The following NTNG2 variants were observed in gnomAD, a reference collection of about 807,000 sequenced individuals.
NTNG2 encodes netrin G2.
In NTNG2, 15 loss-of-function variants were observed where a neutral mutation model predicts 47.6. That is an observed-to-expected ratio of 0.32 (90% confidence interval 0.21 to 0.49). The LOEUF is 0.49. NTNG2 is among the 20% of genes least tolerant of loss of function. The pLI is 0.99. For missense variants in NTNG2, 578 were observed against 764.6 expected (o/e 0.76, Z 2.88); for synonymous variants, 307 against 324.6 (o/e 0.95, Z 0.58).
At chr9:132,209,493 CAG>C (rs936331316) in intron 3 of NTNG2, among the ~76,000 whole-genome samples, 8 of 152,154 alleles carry the variant, frequency 5.3e-5, no homozygotes, top group South Asian at 2.1e-4. Flanking sequence ...AGATCAGAGA[CAG>C]GGGGAATCTG....
Position 132,166,954 on chromosome 9 carries a change from C to G in NTNG2, c.123C>G (p.Pro41=). The G allele has an allele frequency of 6.2e-7, 1 of 1,614,264 alleles. No homozygotes were observed. Among genetic ancestry groups the G allele is most frequent in the Non-Finnish European group, 8.5e-7 (1 of 1,180,044 alleles). ...CCTGGGAGTTCTACGCCTGCCAGCCCAAGGTGATGCGCCTGAAGGACTACG... is the reference window on the plus strand; with the variant it reads ...CCTGGGAGTTCTACGCCTGCCAGCCGAAGGTGATGCGCCTGAAGGACTACG... ...GPTWEFYACQ[P]KVMRLKDYVK... is the part of the protein sequence containing the mutation. The change falls in exon 2 of 8, where the codon CCC becomes CCG. Residue 41 remains proline (P), a synonymous_variant. Transcript: ENST00000393229.
intron 7 of NTNG2, 30 bp downstream of exon 7, chr9:132,241,074 G>T: frequency 1.3e-6 from 2 of 1,567,554 alleles, no homozygotes; most frequent in East Asian, 2.3e-5. Flanking sequence ...CGTGGGCGGG[G>T]CCTGCGGAAA....
intron 2 of NTNG2, among the ~76,000 whole-genome samples, chr9:132,171,085 G>C (rs892248658): frequency 2.0e-5 from 3 of 152,212 alleles, no homozygotes; most frequent in East Asian, 1.9e-4. Flanking sequence ...TCCCAGATGC[G>C]GGCCTTGCTT....
chr9:132,190,483 C>T (rs2130647235), intron 2 of NTNG2, among the ~76,000 whole-genome samples: 1 of 152,244 alleles, frequency 6.6e-6, no homozygotes, highest in South Asian at 2.1e-4. Context: ...GTTGTCTGTT[C>T]TTCTTCCTGA....
At chr9:132,241,161 C>T in intron 7 of NTNG2, 117 bp downstream of exon 7, 3 of 808,806 alleles carry the variant, frequency 3.7e-6, no homozygotes, top group Non-Finnish European at 4.6e-6. Context: ...CCTAGCAAGA[C>T]GGGGCAGGGC....
chr9:132,221,663 C>T lies in NTNG2; in HGVS notation c.858-5186C>T, dbSNP rs1840360076. ...CATCTTCTCCTGTTCCCGAGGAAGA[C>T]AGGACTGATAGGAGGGGCTGGCCAG... is the stretch of plus-strand genomic sequence containing the variant. On this transcript the variant is annotated intron_variant, in intron 3 of 7. Transcript: ENST00000393229. The surrounding 1 kb of genome is among the most constrained non-coding windows in gnomAD (Gnocchi z 4.2). Among the ~76,000 whole-genome samples the T allele has an allele frequency of 6.6e-6, 1 of 152,128 alleles. No homozygotes were observed. The highest frequency in any genetic ancestry group is 2.4e-5 in the African/African-American group (1 of 41,428).
At chr9:132,192,464 G>A (rs981229479) in intron 2 of NTNG2, among the ~76,000 whole-genome samples, 7 of 152,274 alleles carry the variant, frequency 4.6e-5, no homozygotes, top group South Asian at 2.1e-4. Context: ...GGTGGCGCAC[G>A]CCTGTAGTCC....
chr9:132,207,065 C>G (rs912623273), intron 3 of NTNG2, among the ~76,000 whole-genome samples: 11 of 152,286 alleles, frequency 7.2e-5, no homozygotes, highest in Non-Finnish European at 1.5e-4. Context: ...GGGAGAGAGT[C>G]ACGCACAGCA....
intron 4 of NTNG2, 123 bp downstream of exon 4, chr9:132,227,144 T>C: frequency 9.2e-7 from 1 of 1,091,020 alleles, no homozygotes; most frequent in Middle Eastern, 2.3e-4. Context: ...CGTGTGCACA[T>C]GCATGCAAAC....
At chr9:132,217,654 T>C (rs75484669) in intron 3 of NTNG2, among the ~76,000 whole-genome samples, 1,854 of 152,308 alleles carry the variant, frequency 0.012, 30 homozygotes, top group African/African-American at 0.042. Flanking sequence ...AAAACTGGCA[T>C]GTCCTAGGCA....
chr9:132,203,758 G>T (rs1332891766), intron 3 of NTNG2, among the ~76,000 whole-genome samples: 2 of 152,194 alleles, frequency 1.3e-5, no homozygotes, highest in Middle Eastern at 6.3e-3. Context: ...CAGGGCAGGG[G>T]CAAGATAGCA....
At chr9:132,225,964 G>A (rs957946194) in intron 3 of NTNG2, among the ~76,000 whole-genome samples, 1 of 152,254 alleles carries the variant, frequency 6.6e-6, no homozygotes, top group South Asian at 2.1e-4. Context: ...CTCACAGCTG[G>A]GTCTAGAGGC....
chr9:132,219,110 G>C (rs1322475380), intron 3 of NTNG2, among the ~76,000 whole-genome samples: 1 of 152,068 alleles, frequency 6.6e-6, no homozygotes, highest in East Asian at 1.9e-4. Flanking sequence ...CCAGCTACTT[G>C]GGAGGCTGAG....
intron 3 of NTNG2, among the ~76,000 whole-genome samples, chr9:132,203,899 C>A (rs1158945195): frequency 6.6e-6 from 1 of 152,170 alleles, no homozygotes; most frequent in Non-Finnish European, 1.5e-5. Context: ...CCTTTGCCAG[C>A]AGGAACAGGA....
intron 3 of NTNG2, among the ~76,000 whole-genome samples, chr9:132,200,715 A>G (rs1838681714): frequency 6.6e-6 from 1 of 152,188 alleles, no homozygotes; most frequent in Non-Finnish European, 1.5e-5. Context: ...GTCAGCTTCA[A>G]GTCTGGCAGA....
At chr9:132,204,461 C>T (rs962557843) in intron 3 of NTNG2, among the ~76,000 whole-genome samples, 9 of 152,024 alleles carry the variant, frequency 5.9e-5, no homozygotes, top group South Asian at 2.1e-4. Context: ...CAGGTGGGCG[C>T]GGGGAGGGGA....
chr9:132,207,660 G>A (rs1182709231), intron 3 of NTNG2, among the ~76,000 whole-genome samples: 1 of 152,180 alleles, frequency 6.6e-6, no homozygotes, highest in Non-Finnish European at 1.5e-5. Context: ...CGGGAGACAC[G>A]ATTTGGCCCA....
At chr9:132,175,845 A>G (rs1187680313) in intron 2 of NTNG2, among the ~76,000 whole-genome samples, 4 of 151,908 alleles carry the variant, frequency 2.6e-5, no homozygotes, top group African/African-American at 7.3e-5. Flanking sequence ...AGTTCATTCA[A>G]TGTTCCCTGC....
At position 132,239,188 on chromosome 9, in the gene NTNG2, C is replaced by T. The variant is rs756089798; in HGVS notation, c.1139C>T (p.Thr380Met). ...VVTCVSCKHNTRGQHCQHCRL... is the reference protein window; with the variant it reads ...VVTCVSCKHNMRGQHCQHCRL... ...ACCTGCGTCAGCTGCAAGCACAACACGCGAGGTCAGCACTGCCAGCACTGC... is the reference window on the plus strand; with the variant it reads ...ACCTGCGTCAGCTGCAAGCACAACATGCGAGGTCAGCACTGCCAGCACTGC... Residue 380 changes from threonine to methionine, a missense_variant, in exon 6 of 8, where the codon ACG becomes ATG. Physicochemically the swap from Thr to Met is moderately conservative, Grantham distance 81. Transcript: ENST00000393229. 6.2e-7 allele frequency: 1 copy of T among 1,613,860 alleles called. No homozygotes were observed. The highest frequency in any genetic ancestry group is 8.5e-7 in the Non-Finnish European group (1 of 1,179,988).
Sources: gnomAD v4.1 joint callset for allele counts (sites outside exome capture counted in the v4.1 genomes callset) on GRCh38, gnomAD v4.1.1 for gene constraint, Gnocchi (gnomAD v3.1) non-coding constraint, MANE v1.5 for transcripts, NCBI Gene and HGNC (gene_info 2026-07-23, HGNC 2026-07-21) for gene names.